EPHB1: variants seen among roughly 807,000 people sequenced by gnomAD.
EPHB1 encodes ephrin type-B receptor 1.
Under a neutral mutation model 94.4 loss-of-function variants are expected in EPHB1, and 30 were observed. The ratio of observed to expected loss-of-function variants is 0.32; its 90% CI spans 0.24 to 0.43. The LOEUF (loss-of-function observed/expected upper bound fraction) is 0.43. Ranked by LOEUF, EPHB1 falls within the 20% of genes least tolerant of loss-of-function variation. The pLI is 1.00. For synonymous variants in EPHB1, 522 were observed against 489.1 expected (o/e 1.07, Z -0.89); for missense variants, 1,055 against 1,308.3 (o/e 0.81, Z 2.99).
chr3:135,186,879 C>T (rs972428407), intron 10 of EPHB1, among the ~76,000 whole-genome samples: 1 of 152,156 alleles, frequency 6.6e-6, no homozygotes, highest in Non-Finnish European at 1.5e-5. Context: ...AAATTACCCT[C>T]AGCTGACAGC....
intron 12 of EPHB1, among the ~76,000 whole-genome samples, chr3:135,221,769 T>C (rs1190817671): frequency 3.9e-5 from 6 of 152,200 alleles, no homozygotes; most frequent in Non-Finnish European, 5.9e-5. Context: ...ACTGTAACGA[T>C]GGAAGGAGAC....
chr3:135,233,972 C>A (rs1345493473), intron 12 of EPHB1, among the ~76,000 whole-genome samples: 2 of 152,166 alleles, frequency 1.3e-5, no homozygotes, highest in Admixed American at 6.5e-5. Context: ...GCCCAGGAAA[C>A]CATTTTTCCC....
At chr3:134,916,688 C>G (rs2107697519) in intron 1 of EPHB1, among the ~76,000 whole-genome samples, 1 of 152,218 alleles carries the variant, frequency 6.6e-6, no homozygotes, top group East Asian at 1.9e-4. Context: ...CCACCCGGAA[C>G]TGGCGCTGGC....
chr3:135,165,595 A>AT (rs1313543424), intron 7 of EPHB1, among the ~76,000 whole-genome samples: 5 of 152,190 alleles, frequency 3.3e-5, no homozygotes, highest in Admixed American at 3.3e-4. Context: ...TTTAGAAGAT[A>AT]TTTCAGCAGT....
At chr3:134,922,433 C>G (rs952274147) in intron 1 of EPHB1, among the ~76,000 whole-genome samples, 2 of 152,208 alleles carry the variant, frequency 1.3e-5, no homozygotes, top group Admixed American at 6.5e-5. Context: ...AAATGGATTT[C>G]TCTTGCTGCA....
In EPHB1 at chr3:135,052,890, A is replaced by AAAT. The variant is rs1553726757; in HGVS notation, c.806-53557_806-53556insATA. Reference sequence around the variant, plus strand: ...AAAAAAAAAAAAAAAAAAAAAAAAAAATATATATATATATATATATGTGTG... The same window carrying AAAT: ...AAAAAAAAAAAAAAAAAAAAAAAAAAAATATATATATATATATATATATGTGTG... On this transcript the variant is annotated intron_variant, in intron 3 of 15. Transcript: ENST00000398015. 2.2e-4 allele frequency among the ~76,000 whole-genome samples: 12 copies of AAAT among 54,606 alleles called. 2 individuals are homozygous for AAAT. The East Asian group carries it at 2.4e-3, about 11-fold the overall frequency. The allele number at this position is 54,606 out of a possible 152,430, so 35.8% of individuals were successfully genotyped here.
At chr3:134,916,555 C>T (rs1010786470) in intron 1 of EPHB1, among the ~76,000 whole-genome samples, 5 of 152,262 alleles carry the variant, frequency 3.3e-5, no homozygotes, top group Non-Finnish European at 7.3e-5. Flanking sequence ...CTCCAGTGGG[C>T]TGGCACTTCT....
At chr3:135,059,485 G>A (rs1937434769) in intron 3 of EPHB1, among the ~76,000 whole-genome samples, 1 of 152,188 alleles carries the variant, frequency 6.6e-6, no homozygotes, top group Non-Finnish European at 1.5e-5. Context: ...AGAAAGAGGG[G>A]AGGGAGAGGG....
Position 135,057,312 on chromosome 3 carries a change from G to A in EPHB1, c.806-49136G>A, listed in dbSNP as rs1937377378. On this transcript the variant is annotated intron_variant, in intron 3 of 15. Coordinates refer to ENST00000398015, the MANE Select transcript of EPHB1 (RefSeq NM_004441.5). ...AAAGGGATGGAGAGGAGACTCCATG[G>A]GAGGAGACCTGTGATTCCTCAGTGT... Among the ~76,000 whole-genome samples, 3 of 152,154 alleles carry A rather than the reference G, an allele frequency of 2.0e-5. No individual in the cohort carries two copies. In the South Asian group the frequency reaches 6.2e-4, roughly 32 times the overall value.
intron 12 of EPHB1, among the ~76,000 whole-genome samples, chr3:135,211,066 C>T (rs1167044611): frequency 6.6e-6 from 1 of 152,166 alleles, no homozygotes; most frequent in Non-Finnish European, 1.5e-5. Flanking sequence ...TTACTTTTTT[C>T]ATAGTTACTC....
At chr3:135,120,629 A>G (rs1939918738) in intron 4 of EPHB1, among the ~76,000 whole-genome samples, 1 of 152,162 alleles carries the variant, frequency 6.6e-6, no homozygotes, top group African/African-American at 2.4e-5. Flanking sequence ...AAGTATACTT[A>G]CCTTTTTCAA....
At chr3:135,061,267 T>C (rs1333712907) in intron 3 of EPHB1, among the ~76,000 whole-genome samples, 2 of 152,094 alleles carry the variant, frequency 1.3e-5, no homozygotes. Flanking sequence ...TAGCCTTTTA[T>C]CTCTTGTCCC....
intron 3 of EPHB1, among the ~76,000 whole-genome samples, chr3:134,977,048 A>G (rs36120): frequency 0.63 from 95,967 of 152,174 alleles, 32,079 homozygotes; most frequent in African/African-American, 0.83. Flanking sequence ...ATGTTTTCAC[A>G]CAGGAGGAAT....
intron 6 of EPHB1, among the ~76,000 whole-genome samples, chr3:135,161,374 G>A (rs1000965887): frequency 6.6e-6 from 1 of 152,152 alleles, no homozygotes; most frequent in Non-Finnish European, 1.5e-5. Flanking sequence ...CTGAATGCTG[G>A]CGGAAAGTAG....
chr3:135,136,072 G>A (rs1501197), intron 5 of EPHB1, among the ~76,000 whole-genome samples: 151,951 of 152,328 alleles, frequency 1, 75,788 homozygotes, highest in Non-Finnish European at 1. Flanking sequence ...AAAGAGATCA[G>A]CAGGATGTCC....
chr3:134,920,547 A>G (rs1489338245), intron 1 of EPHB1, among the ~76,000 whole-genome samples: 1 of 152,166 alleles, frequency 6.6e-6, no homozygotes, highest in Non-Finnish European at 1.5e-5. Context: ...CTGCTATTCC[A>G]TCTGTTAGTA....
chr3:135,245,037 C>G (rs1436427442), intron 13 of EPHB1, among the ~76,000 whole-genome samples: 2 of 152,194 alleles, frequency 1.3e-5, no homozygotes, highest in African/African-American at 4.8e-5. Context: ...CATGGCTATG[C>G]TCTACCCTGA....
intron 1 of EPHB1, among the ~76,000 whole-genome samples, chr3:134,857,604 G>A (rs28434630): frequency 0.55 from 83,021 of 151,730 alleles, 25,526 homozygotes; most frequent in East Asian, 0.8. Flanking sequence ...TGGGGGTGAA[G>A]GTGGTTACTC....
intron 5 of EPHB1, among the ~76,000 whole-genome samples, chr3:135,135,837 G>C (rs1291196180): frequency 6.6e-6 from 1 of 152,206 alleles, no homozygotes; most frequent in Non-Finnish European, 1.5e-5. Flanking sequence ...TGCCCAAACT[G>C]TGAAGTGGCT....
Sources: allele counts gnomAD v4.1 joint callset (sites outside exome capture counted in the v4.1 genomes callset), GRCh38; gene constraint gnomAD v4.1.1; transcripts MANE v1.5; gene names NCBI Gene and HGNC (gene_info 2026-07-23, HGNC 2026-07-21).